The following COL23A1 variants were observed in gnomAD, a reference collection of about 807,000 sequenced individuals.
The protein encoded by COL23A1 is collagen alpha-1(XXIII) chain.
COL23A1 carries 97 observed loss-of-function variants against 99.3 expected under a neutral mutation model. That is an observed-to-expected ratio of 0.98 (90% CI 0.83 to 1.16). The LOEUF is 1.16. COL23A1 is among the 50% of genes most tolerant of loss of function. The pLI, the probability that COL23A1 is intolerant of heterozygous loss-of-function variation, is 0.00. For synonymous variants in COL23A1, 320 were observed against 308.2 expected, an observed-to-expected ratio of 1.04 and a Z score of -0.40; for missense variants, 762 against 757.4, an observed-to-expected ratio of 1.01 and a Z score of -0.07.
At chr5:178,492,647 G>A (rs12523125) in intron 2 of COL23A1, among the ~76,000 whole-genome samples, 55,215 of 150,924 alleles carry the variant, frequency 0.37, 11,789 homozygotes, top group Admixed American at 0.5. Context: ...GTTACACGAA[G>A]TGAAGGAGGC....
At chr5:178,263,419 T>C (rs1765745550) in intron 8 of COL23A1, 95 bp from the exon 9 acceptor site, 3 of 755,560 alleles carry the variant, frequency 4.0e-6, no homozygotes, top group Non-Finnish European at 2.2e-6. Flanking sequence ...GCCATCCCCT[T>C]CCCCAGCCCT....
intron 1 of COL23A1, among the ~76,000 whole-genome samples, chr5:178,564,959 C>T (rs1365250096): frequency 6.6e-6 from 1 of 152,114 alleles, no homozygotes; most frequent in Non-Finnish European, 1.5e-5. Context: ...TCAGCAGAAG[C>T]AAAACATGAT....
intron 2 of COL23A1, among the ~76,000 whole-genome samples, chr5:178,386,694 G>A (rs749620528): frequency 6.6e-6 from 1 of 152,116 alleles, no homozygotes; most frequent in African/African-American, 2.4e-5. Context: ...CGTTATCAGC[G>A]CAGAAGGGTC....
At chr5:178,259,845 T>C (rs1581471763) in intron 11 of COL23A1, 98 bp from the exon 12 acceptor site, 2 of 1,189,080 alleles carry the variant, frequency 1.7e-6, no homozygotes, top group African/African-American at 1.5e-5. Context: ...GTGGCACTGA[T>C]GACCCGTGCC....
chr5:178,385,612 C>G (rs1375225635), intron 2 of COL23A1, among the ~76,000 whole-genome samples: 1 of 152,188 alleles, frequency 6.6e-6, no homozygotes, highest in East Asian at 1.9e-4. Context: ...ACTCTCATGC[C>G]CTTCCCCCGA....
chr5:178,362,908 C>A (rs1762249264), intron 2 of COL23A1, among the ~76,000 whole-genome samples: 2 of 132,518 alleles, frequency 1.5e-5, no homozygotes, highest in African/African-American at 5.8e-5. Flanking sequence ...AACCCACCCC[C>A]ACAGCAACCC....
chr5:178,523,201 T>TATATATATATATATATAG (rs1223542330), intron 2 of COL23A1, among the ~76,000 whole-genome samples: 2 of 77,632 alleles, frequency 2.6e-5, no homozygotes, highest in Non-Finnish European at 5.0e-5. Flanking sequence ...TATATATATA[T>TATATATATATATATATAG]AGAGAGAGAG....
intron 2 of COL23A1, among the ~76,000 whole-genome samples, chr5:178,435,932 G>A (rs934454987): frequency 8.5e-5 from 13 of 152,194 alleles, no homozygotes; most frequent in Non-Finnish European, 1.6e-4. Context: ...CTCTTGCCCG[G>A]GATGAGTTTA....
chr5:178,504,043 GT>G (rs144811263), intron 2 of COL23A1, among the ~76,000 whole-genome samples: 8,525 of 152,194 alleles, frequency 0.056, 590 homozygotes, highest in African/African-American at 0.17. Context: ...ATAAAAAAGA[GT>G]TCACCTCATC....
At chr5:178,479,026 C>T (rs1757181685) in intron 2 of COL23A1, among the ~76,000 whole-genome samples, 1 of 151,884 alleles carries the variant, frequency 6.6e-6, no homozygotes, top group African/African-American at 2.4e-5. Flanking sequence ...CATGTGAGGC[C>T]CAGGGAGACA....
intron 1 of COL23A1, among the ~76,000 whole-genome samples, chr5:178,582,955 T>C (rs1236595804): frequency 6.6e-6 from 1 of 152,218 alleles, no homozygotes; most frequent in Non-Finnish European, 1.5e-5. Flanking sequence ...CAGACATTCG[T>C]CCCTTTCACT....
chr5:178,306,796 G>C lies in COL23A1; in HGVS notation c.406+79C>G. 1 of 1,093,000 alleles carries C rather than the reference G, an allele frequency of 9.1e-7. No homozygotes were observed. Among genetic ancestry groups the C allele is most frequent in the South Asian group, 1.9e-5 (1 of 51,838 alleles). 67.7% of individuals were successfully genotyped at this position (1,093,000 alleles called of 1,614,324 possible). A position where few individuals can be genotyped will look rare whatever the true frequency, so the allele number is the denominator to read the frequency against. On this transcript the variant is annotated intron_variant, in intron 3 of 28. Transcript: ENST00000390654. The surrounding 1 kb of genome is among the most constrained non-coding windows in gnomAD (Gnocchi z 4.1). ...CATGACTCAGGGTGGGCAGCAGGTGGCCAGGCCCTGCAGTCAGAGCCTGGG... is the reference window on the plus strand; with the variant it reads ...CATGACTCAGGGTGGGCAGCAGGTGCCCAGGCCCTGCAGTCAGAGCCTGGG...
chr5:178,515,613 A>T (rs1176921761), intron 2 of COL23A1, among the ~76,000 whole-genome samples: 1 of 152,046 alleles, frequency 6.6e-6, no homozygotes, highest in Non-Finnish European at 1.5e-5. Flanking sequence ...CCTTTGGGCA[A>T]CCTTCTCAGC....
intron 2 of COL23A1, among the ~76,000 whole-genome samples, chr5:178,346,851 C>G (rs573143439): frequency 3.3e-5 from 5 of 152,334 alleles, no homozygotes; most frequent in Admixed American, 3.3e-4. Context: ...AGATAGACAC[C>G]AGCCTCACAC....
intron 2 of COL23A1, among the ~76,000 whole-genome samples, chr5:178,471,892 CGG>C (rs1756772969): frequency 3.3e-5 from 5 of 152,172 alleles, no homozygotes; most frequent in African/African-American, 1.2e-4. Context: ...TGACTGACTC[CGG>C]TGCTTCCCCA....
intron 2 of COL23A1, among the ~76,000 whole-genome samples, chr5:178,485,297 C>A (rs1757560463): frequency 1.3e-5 from 2 of 150,964 alleles, no homozygotes; most frequent in South Asian, 4.2e-4. Flanking sequence ...CATAGCAAAA[C>A]CCTATCTCTA....
chr5:178,478,136 C>T (rs901591066), intron 2 of COL23A1, among the ~76,000 whole-genome samples: 8 of 152,168 alleles, frequency 5.3e-5, no homozygotes, highest in African/African-American at 1.7e-4. Flanking sequence ...TGCGGGCCCC[C>T]GACAGGCCTC....
chr5:178,357,826 ATGTGTATGTG>A lies in COL23A1; in HGVS notation c.362-50917_362-50908del, dbSNP rs1476879911. ...TGTGTGTATGTGTGTATGTGTGTTTATGTGTATGTGTGTGTATGTCTAATGTGTATGTGTA... is the reference window on the plus strand; with the variant it reads ...TGTGTGTATGTGTGTATGTGTGTTTATGTGTATGTCTAATGTGTATGTGTA... On this transcript the variant is annotated intron_variant, in intron 2 of 28. Coordinates refer to ENST00000390654, the MANE Select transcript of COL23A1 (RefSeq NM_173465.4). 1.7e-4 allele frequency among the ~76,000 whole-genome samples: 24 copies of A among 139,222 alleles called. No individual in the cohort carries two copies. In the South Asian group the frequency reaches 3.7e-3, roughly 21 times the overall value. The allele number at this position is 139,222 out of a possible 152,430, so 91.3% of individuals were successfully genotyped here.
At chr5:178,363,499 T>C (rs970511516) in intron 2 of COL23A1, among the ~76,000 whole-genome samples, 6 of 152,234 alleles carry the variant, frequency 3.9e-5, no homozygotes, top group Admixed American at 6.5e-5. Context: ...TAGACTTGTG[T>C]GACTATTAAC....
Sources: gnomAD v4.1 joint callset for allele counts (sites outside exome capture counted in the v4.1 genomes callset) on GRCh38, gnomAD v4.1.1 for gene constraint, Gnocchi (gnomAD v3.1) non-coding constraint, MANE v1.5 for transcripts, NCBI Gene and HGNC (gene_info 2026-07-23, HGNC 2026-07-21) for gene names.